DAB1: variants seen among roughly 807,000 people sequenced by gnomAD.
The protein encoded by DAB1 is disabled homolog 1.
Under a neutral mutation model 64.6 loss-of-function variants are expected in DAB1, and 15 were observed. That is an observed-to-expected ratio of 0.23 (90% confidence interval 0.16 to 0.36). The LOEUF (loss-of-function observed/expected upper bound fraction) is 0.36. DAB1 is among the 10% of genes least tolerant of loss of function. The pLI is 1.00. For synonymous variants in DAB1, 235 were observed against 251.9 expected, an observed-to-expected ratio of 0.93 and a Z score of 0.64; for missense variants, 596 against 706.7, an observed-to-expected ratio of 0.84 and a Z score of 1.78.
chr1:57,793,090 T>A (rs756965760), intron 6 of DAB1, among the ~76,000 whole-genome samples: 1 of 152,188 alleles, frequency 6.6e-6, no homozygotes, highest in African/African-American at 2.4e-5. Flanking sequence ...TGGTACTTAA[T>A]AGAAATTTGC....
intron 1 of DAB1, among the ~76,000 whole-genome samples, chr1:57,364,643 A>C (rs898295369): frequency 2.0e-5 from 3 of 152,118 alleles, no homozygotes; most frequent in Non-Finnish European, 4.4e-5. Flanking sequence ...ACTGGATATT[A>C]GCCAAACATC....
intron 1 of DAB1, among the ~76,000 whole-genome samples, chr1:58,529,060 G>A (rs1327568730): frequency 6.6e-6 from 1 of 152,014 alleles, no homozygotes; most frequent in Non-Finnish European, 1.5e-5. Context: ...ATTTCCTGGC[G>A]GGTCAGTGAC....
chr1:58,534,836 T>C (rs1399144488), intron 1 of DAB1, among the ~76,000 whole-genome samples: 1 of 152,136 alleles, frequency 6.6e-6, no homozygotes, highest in Non-Finnish European at 1.5e-5. Context: ...CATGGGAGGC[T>C]GAAGTGGGAG....
intron 5 of DAB1, among the ~76,000 whole-genome samples, chr1:57,992,142 C>T (rs944216401): frequency 5.9e-5 from 9 of 152,140 alleles, no homozygotes; most frequent in Non-Finnish European, 5.9e-5. Flanking sequence ...AAAATACACA[C>T]GGCATGATTC....
intron 1 of DAB1, among the ~76,000 whole-genome samples, chr1:57,291,735 C>T (rs1305763381): frequency 6.6e-6 from 1 of 152,164 alleles, no homozygotes; most frequent in African/African-American, 2.4e-5. Flanking sequence ...GCTATAAGAG[C>T]AGACAAGCAT....
At chr1:57,412,138 T>A (rs990060124) in intron 1 of DAB1, among the ~76,000 whole-genome samples, 1 of 152,234 alleles carries the variant, frequency 6.6e-6, no homozygotes, top group East Asian at 1.9e-4. Flanking sequence ...CTATGAGCCA[T>A]GCCCACATAA....
chr1:57,184,213 G>C (rs973915440), intron 2 of DAB1, among the ~76,000 whole-genome samples: 2 of 152,216 alleles, frequency 1.3e-5, no homozygotes, highest in African/African-American at 4.8e-5. Flanking sequence ...ACAAGAATGT[G>C]GGTGAAAGCC....
intron 6 of DAB1, among the ~76,000 whole-genome samples, chr1:57,791,874 T>C (rs954957370): frequency 1.4e-4 from 21 of 152,196 alleles, no homozygotes; most frequent in Admixed American, 3.3e-4. Flanking sequence ...CGAGCACACT[T>C]ACTTCTTAAT....
chr1:58,492,467 G>A (rs1645714422), intron 3 of DAB1, among the ~76,000 whole-genome samples: 1 of 152,116 alleles, frequency 6.6e-6, no homozygotes, highest in South Asian at 2.1e-4. Flanking sequence ...AAAAATCAAT[G>A]AATCCAGGAG....
Position 57,816,543 on chromosome 1 carries a change from T to G in DAB1, n.551+67456A>C, listed in dbSNP as rs144020334. On this transcript the variant is annotated intron_variant and non_coding_transcript_variant, in intron 6 of 20. Transcript: ENST00000485760. ...ACTCCTGAAATTTTTGATGACATAC[T>G]GCATTCGTCTGCTCTGATATGTTGC... Among the ~76,000 whole-genome samples, 848 of 152,370 alleles carry G rather than the reference T, an allele frequency of 5.6e-3. 7 individuals carry two copies. Among genetic ancestry groups the G allele is most frequent in the Middle Eastern group, 0.014 (4 of 294 alleles).
intron 5 of DAB1, among the ~76,000 whole-genome samples, chr1:58,009,969 T>C (rs1240080063): frequency 6.6e-6 from 1 of 152,176 alleles, no homozygotes; most frequent in Non-Finnish European, 1.5e-5. Flanking sequence ...CTATGAAGTA[T>C]GCATTATTAT....
chr1:58,298,518 G>T (rs1662043635), intron 4 of DAB1, among the ~76,000 whole-genome samples: 1 of 152,238 alleles, frequency 6.6e-6, no homozygotes, highest in South Asian at 2.1e-4. Context: ...GTCACAACAT[G>T]TACAGCCTGC....
chr1:57,616,320 A>G (rs1645789597), intron 7 of DAB1, among the ~76,000 whole-genome samples: 2 of 152,230 alleles, frequency 1.3e-5, no homozygotes, highest in South Asian at 2.1e-4. Context: ...TGACGTATGA[A>G]ATTTGAATAT....
chr1:58,298,403 G>C (rs1662040348), intron 4 of DAB1, among the ~76,000 whole-genome samples: 1 of 152,050 alleles, frequency 6.6e-6, no homozygotes, highest in Non-Finnish European at 1.5e-5. Flanking sequence ...TGTATTATTT[G>C]TATCTCTTGA....
chr1:57,260,187 T>C (rs1033551383), intron 2 of DAB1, among the ~76,000 whole-genome samples: 2 of 152,142 alleles, frequency 1.3e-5, no homozygotes, highest in Non-Finnish European at 1.5e-5. Flanking sequence ...CTGTGCTCTG[T>C]GCTTAGACAC....
chr1:57,566,823 T>C (rs1013104816), intron 7 of DAB1, among the ~76,000 whole-genome samples: 2 of 152,148 alleles, frequency 1.3e-5, no homozygotes, highest in African/African-American at 4.8e-5. Context: ...CCAGACGAAT[T>C]CACAGCCGAA....
chr1:58,485,677 A>G (rs939744965), intron 3 of DAB1, among the ~76,000 whole-genome samples: 1 of 151,984 alleles, frequency 6.6e-6, no homozygotes. Flanking sequence ...TATAAATTCT[A>G]ATCTATCTTA....
chr1:57,828,090 C>A (rs1200030709), intron 1 of DAB1, among the ~76,000 whole-genome samples: 5 of 152,188 alleles, frequency 3.3e-5, no homozygotes, highest in African/African-American at 4.8e-5. Flanking sequence ...GGACTACAGG[C>A]GCCCACCACC....
In DAB1 at chr1:58,299,354, AAGT is replaced by A. The variant is rs1364366842; in HGVS notation, n.309+43995_309+43997del. 5.9e-5 allele frequency among the ~76,000 whole-genome samples: 9 copies of A among 152,312 alleles called. No homozygotes were observed. The South Asian group carries it at 1.7e-3, about 28-fold the overall frequency. ...ATGATGGTTTACTTCAGTGGTATCT[AAGT>A]AGGCTGTGCACTTTCAATGAGGTGT... is the stretch of plus-strand genomic sequence containing the variant. On this transcript the variant is annotated intron_variant and non_coding_transcript_variant, in intron 4 of 20. Transcript: ENST00000485760.
Sources: allele counts gnomAD v4.1 joint callset (sites outside exome capture counted in the v4.1 genomes callset), GRCh38; gene constraint gnomAD v4.1.1; transcripts MANE v1.5; gene names NCBI Gene and HGNC (gene_info 2026-07-23, HGNC 2026-07-21).